MED13L: variants seen among roughly 807,000 people sequenced by gnomAD.
The protein encoded by MED13L is mediator of RNA polymerase II transcription subunit 13-like.
A neutral mutation model predicts 220.9 loss-of-function variants in MED13L; 7 were observed. That is an observed-to-expected ratio of 0.03 (90% confidence interval 0.02 to 0.06). The LOEUF (loss-of-function observed/expected upper bound fraction) is 0.06. Among genes scored for constraint, MED13L ranks in the 10% least tolerant of loss-of-function variants. The probability of loss-of-function intolerance (pLI) is 1.00; values close to 1 mark genes in which losing one functional copy is unlikely to be tolerated. For missense variants in MED13L, 1,965 were observed against 2,760.5 expected (o/e 0.71, Z 6.46); for synonymous variants, 1,011 against 1,015.2 (o/e 1.00, Z 0.08).
At position 115,961,330 on chromosome 12, in the gene MED13L, G is replaced by C. The variant is rs1161076932; in HGVS notation, c.6569C>G (p.Ser2190Cys). The C allele has an allele frequency of 1.9e-6, 3 of 1,614,188 alleles. No homozygotes were observed. The highest frequency in any genetic ancestry group is 3.3e-5 in the Admixed American group (2 of 60,030). The change falls in exon 31 of 31, where the codon TCC becomes TGC. Residue 2190 changes from serine (S) to cysteine (C), a missense_variant. Coordinates refer to ENST00000281928, the MANE Select transcript of MED13L (RefSeq NM_015335.5). ...CACCACAAAGTGGACGGGAAGGCAG[G>C]AAGTACGGTCCTGGGTGGCCGGATT... The part of the protein sequence containing the change: ...TCNPATQDRT[S>C]CLPVHFVVLT...
intron 3 of MED13L, among the ~76,000 whole-genome samples, chr12:116,103,798 C>T (rs549832173): frequency 1.3e-5 from 2 of 152,222 alleles, no homozygotes; most frequent in South Asian, 4.1e-4. Context: ...CATTCTCCTA[C>T]TTTCTTTAGA....
chr12:116,118,797 G>A (rs1263721840), intron 2 of MED13L, among the ~76,000 whole-genome samples: 1 of 152,134 alleles, frequency 6.6e-6, no homozygotes, highest in Non-Finnish European at 1.5e-5. Context: ...TCAAGCACCA[G>A]GCTAAGAACT....
At chr12:116,186,527 A>G (rs1005539259) in intron 2 of MED13L, among the ~76,000 whole-genome samples, 7 of 152,190 alleles carry the variant, frequency 4.6e-5, no homozygotes, top group Non-Finnish European at 8.8e-5. Context: ...TTAAAATATC[A>G]TATTTAATTG....
intron 1 of MED13L, among the ~76,000 whole-genome samples, chr12:116,255,179 T>A (rs1313695988): frequency 2.0e-5 from 3 of 152,194 alleles, no homozygotes; most frequent in Non-Finnish European, 2.9e-5. Flanking sequence ...AGTACTGGCA[T>A]AACAGACATG....
intron 2 of MED13L, among the ~76,000 whole-genome samples, chr12:116,132,219 G>A (rs947842913): frequency 6.7e-6 from 1 of 149,806 alleles, no homozygotes; most frequent in African/African-American, 2.5e-5. Context: ...GGCAGAGACT[G>A]CAGTGAGCCG....
chr12:116,254,689 G>A (rs577722316), intron 1 of MED13L, among the ~76,000 whole-genome samples: 16 of 152,046 alleles, frequency 1.1e-4, no homozygotes, highest in Admixed American at 7.9e-4. Flanking sequence ...CTAGAGAGGC[G>A]GAGGTTACAG....
At chr12:116,170,820 C>T (rs1222621170) in intron 2 of MED13L, among the ~76,000 whole-genome samples, 4 of 151,992 alleles carry the variant, frequency 2.6e-5, no homozygotes, top group African/African-American at 9.7e-5. Flanking sequence ...AGGATGGTCT[C>T]GAACTCCTGA....
chr12:116,049,378 A>AC (rs1247404130), intron 4 of MED13L, among the ~76,000 whole-genome samples: 4 of 152,184 alleles, frequency 2.6e-5, no homozygotes, highest in Non-Finnish European at 5.9e-5. Flanking sequence ...TAGCCAAAAC[A>AC]CCCCCACAAC....
rs528729927 is a variant in MED13L at position 116,208,270 on chromosome 12, G to A, written c.310+29198C>T. Among the ~76,000 whole-genome samples the A allele has an allele frequency of 2.6e-5, 4 of 152,226 alleles. No individual in the cohort carries two copies. The East Asian group carries it at 5.8e-4, about 22-fold the overall frequency. On this transcript the variant is annotated intron_variant, in intron 2 of 30. Transcript: ENST00000281928. ...AAATTAGCCAGGTATGGTGGTGGGC[G>A]CCTGTAATCCCAGCTACTCTGGAGG... is the stretch of plus-strand genomic sequence containing the variant.
intron 29 of MED13L, among the ~76,000 whole-genome samples, chr12:115,965,382 T>C (rs915189639): frequency 2.0e-5 from 3 of 152,220 alleles, no homozygotes; most frequent in South Asian, 4.1e-4. Context: ...GGCTATTCCT[T>C]AGAGGTGGGA....
chr12:115,982,734 T>TGTTACTC, intron 21 of MED13L, 131 bp from the exon 22 acceptor site: 1 of 888,864 alleles, frequency 1.1e-6, no homozygotes, highest in Non-Finnish European at 1.8e-6. Context: ...AAGAGTAACA[T>TGTTACTC]TTATCACCTT....
Position 115,982,533 on chromosome 12 carries a change from C to G in MED13L, c.5026G>C (p.Ala1676Pro). 1 of 1,614,114 alleles carries G rather than the reference C, an allele frequency of 6.2e-7. No individual in the cohort carries two copies. ...GGGTCCACCATGTAAATGACAACAGCTGGAGGGTGGGCATGGCTGTCTGCA... is the reference window on the plus strand; with the variant it reads ...GGGTCCACCATGTAAATGACAACAGGTGGAGGGTGGGCATGGCTGTCTGCA... ...DSADSHAHPP[A>P]VVIYMVDPFT... Residue 1676 changes from alanine (A) to proline (P), a missense_variant, in exon 22 of 31, where the codon GCT becomes CCT. Coordinates refer to ENST00000281928, the MANE Select transcript of MED13L (RefSeq NM_015335.5).
chr12:116,276,972 G>C, intron 1 of MED13L, 88 bp downstream of exon 1: 1 of 1,399,100 alleles, frequency 7.1e-7, no homozygotes, highest in Non-Finnish European at 9.9e-7. Context: ...AAGTCCCGGC[G>C]GCGGGAGGAG....
intron 4 of MED13L, among the ~76,000 whole-genome samples, chr12:116,045,796 T>C (rs1881796252): frequency 6.6e-6 from 1 of 152,040 alleles, no homozygotes; most frequent in East Asian, 1.9e-4. Flanking sequence ...AGAAAAATAT[T>C]AATGCAATAA....
chr12:116,038,271 C>T (rs1454819368), intron 4 of MED13L, among the ~76,000 whole-genome samples: 1 of 151,444 alleles, frequency 6.6e-6, no homozygotes, highest in African/African-American at 2.4e-5. Flanking sequence ...GATGAGGAAC[C>T]ACATAAATTT....
At chr12:115,961,439 G>T in intron 30 of MED13L, 41 bp from the exon 31 acceptor site, 1 of 1,611,632 alleles carries the variant, frequency 6.2e-7, no homozygotes, top group Non-Finnish European at 8.5e-7. Flanking sequence ...TGAGCCTCAA[G>T]AGGGAAGGCT....
At chr12:116,029,602 G>T (rs909433684) in intron 4 of MED13L, among the ~76,000 whole-genome samples, 1 of 151,976 alleles carries the variant, frequency 6.6e-6, no homozygotes, top group Non-Finnish European at 1.5e-5. Flanking sequence ...ACCTGGTACA[G>T]GAATAACAAC....
rs1235635941 is a variant in MED13L, at chr12:116,007,425, G to A, written c.2224C>T (p.Leu742=). 6.2e-7 allele frequency: 1 copy of A among 1,612,540 alleles called. No individual in the cohort carries two copies. The highest frequency in any genetic ancestry group is 8.5e-7 in the Non-Finnish European group (1 of 1,178,790). The change falls in exon 11 of 31, where the codon CTG becomes TTG. Residue 742 remains leucine (L), a synonymous_variant. Coordinates refer to ENST00000281928, the MANE Select transcript of MED13L (RefSeq NM_015335.5). ...TTAAATGGTACCTTATTCTTTTTCA[G>A]GGAATCTTTCTCCGTCCCTTGTTTG... The part of the protein sequence containing the change: ...KCKQGTEKDS[L]KKNKSEDGFG...
At chr12:116,272,037 TGA>T (rs1014452731) in intron 1 of MED13L, among the ~76,000 whole-genome samples, 29 of 152,314 alleles carry the variant, frequency 1.9e-4, no homozygotes, top group African/African-American at 6.5e-4. Context: ...GATTCAAAGT[TGA>T]GAGACAGCTG....
Sources: allele counts gnomAD v4.1 joint callset (sites outside exome capture counted in the v4.1 genomes callset), GRCh38; gene constraint gnomAD v4.1.1; transcripts MANE v1.5; gene names NCBI Gene and HGNC (gene_info 2026-07-23, HGNC 2026-07-21).